Variants in AIMP1 observed in about 807,000 individuals in gnomAD.
The protein encoded by AIMP1 is aminoacyl tRNA synthase complex-interacting multifunctional protein 1.
In AIMP1, 24 loss-of-function variants were observed where a neutral mutation model predicts 33.1. That is an observed-to-expected ratio of 0.73 (90% CI 0.53 to 1.02). The LOEUF is 1.02. AIMP1 is among the 50% of genes least tolerant of loss of function. The pLI is 0.00. For synonymous variants in AIMP1, 120 were observed against 121.5 expected, an observed-to-expected ratio of 0.99 and a Z score of 0.08; for missense variants, 367 against 364.8, an observed-to-expected ratio of 1.01 and a Z score of -0.05.
rs1770367543 is a variant in AIMP1 at position 106,347,924 on chromosome 4, A to G, written c.*232A>G. On this transcript the variant is annotated 3_prime_UTR_variant, in exon 7 of 7. Transcript: ENST00000672341. The stretch of plus-strand genomic sequence containing the variant: ...GAGGAAGTTGCCTATGTTTTGTAAT[A>G]ATTTATTTTTTAGCAGGAATATTGA... The G allele has an allele frequency of 5.5e-6, 2 of 362,340 alleles. No individual in the cohort carries two copies. The highest frequency in any genetic ancestry group is 2.1e-5 in the African/African-American group (1 of 46,996). The allele number at this position is 362,340 out of a possible 1,614,324, so 22.4% of individuals were successfully genotyped here.
At chr4:106,327,376 C>A in intron 2 of AIMP1, 75 bp from the exon 3 acceptor site, 13 of 1,077,662 alleles carry the variant, frequency 1.2e-5, no homozygotes, top group Non-Finnish European at 1.1e-5. Context: ...GTTATACTGG[C>A]TGTCTTCTTT....
intron 5 of AIMP1, among the ~76,000 whole-genome samples, chr4:106,332,831 A>G (rs916393289): frequency 2.0e-4 from 30 of 151,914 alleles, no homozygotes; most frequent in African/African-American, 6.5e-4. Context: ...GGTGCTATGT[A>G]GTTTTTAGAG....
intron 1 of AIMP1, among the ~76,000 whole-genome samples, chr4:106,323,021 C>G (rs1408350816): frequency 6.7e-6 from 1 of 149,524 alleles, no homozygotes; most frequent in African/African-American, 2.5e-5. Context: ...TTCTTTTTAT[C>G]ACATTGTTTC....
intron 2 of AIMP1, 105 bp from the exon 3 acceptor site, chr4:106,327,346 C>T: frequency 1.3e-6 from 1 of 784,688 alleles, no homozygotes; most frequent in South Asian, 1.5e-5. Context: ...TACACTAGAG[C>T]TAGTATTATC....
In AIMP1 at chr4:106,324,996, G is replaced by A. The variant is rs546736092; in HGVS notation, c.-14G>A. The A allele has an allele frequency of 2.4e-5, 38 of 1,594,848 alleles. No individual in the cohort carries two copies. Among genetic ancestry groups the A allele is most frequent in the African/African-American group, 1.5e-4 (11 of 74,390 alleles). ...TATTTTTCCTATAGGATTTTCTGCC[G>A]TCTCTTGGCAAAAATGGCAAATAAT... On this transcript the variant is annotated 5_prime_UTR_variant, in exon 2 of 7. Coordinates refer to ENST00000672341, the MANE Select transcript of AIMP1 (RefSeq NM_001142416.2).
chr4:106,316,613 G>A lies in AIMP1; in HGVS notation c.-26+19G>A. The A allele has an allele frequency of 4.5e-6, 7 of 1,550,498 alleles. No individual in the cohort carries two copies. The highest frequency in any genetic ancestry group is 6.1e-6 in the Non-Finnish European group (7 of 1,146,406). On this transcript the variant is annotated intron_variant, in intron 1 of 6. Transcript: ENST00000672341. ...GCTTCATGTGAGTGACGTCGTGGCGGGTCACTCACTCGGGGATCGCCGATT... is the reference window on the plus strand; with the variant it reads ...GCTTCATGTGAGTGACGTCGTGGCGAGTCACTCACTCGGGGATCGCCGATT...
Position 106,316,670 on chromosome 4 carries a change from C to T in AIMP1, c.-26+76C>T, listed in dbSNP as rs1029453650. ...GTAGGGGTCTTCCTTCTCTAACTTG[C>T]CTCCAGGAGAGAGGACCTGGCCTGC... On this transcript the variant is annotated intron_variant, in intron 1 of 6. Transcript: ENST00000672341. 5 of 1,454,608 alleles carry T rather than the reference C, an allele frequency of 3.4e-6. No homozygotes were observed. In the African/African-American group the frequency reaches 7.0e-5, roughly 20 times the overall value. 90.1% of individuals were successfully genotyped at this position (1,454,608 alleles called of 1,614,324 possible).
chr4:106,336,683 T>C (rs1273106189), intron 5 of AIMP1, among the ~76,000 whole-genome samples, 186 bp from the exon 6 acceptor site: 3 of 151,700 alleles, frequency 2.0e-5, no homozygotes, highest in African/African-American at 7.3e-5. Flanking sequence ...TTTGGAGGAA[T>C]TTTTTTTTCA....
intron 5 of AIMP1, among the ~76,000 whole-genome samples, chr4:106,336,030 C>CTTTTT (rs34219049): frequency 5.1e-5 from 3 of 59,390 alleles, no homozygotes; most frequent in Non-Finnish European, 6.1e-5. Context: ...GTTAAATGAT[C>CTTTTT]TTTTTTTTTT....
At chr4:106,319,995 T>C (rs1769153592) in intron 1 of AIMP1, among the ~76,000 whole-genome samples, 1 of 152,242 alleles carries the variant, frequency 6.6e-6, no homozygotes, top group South Asian at 2.1e-4. Context: ...AGTTTTCTTC[T>C]CTGTATAATG....
Position 106,331,731 on chromosome 4 carries a change from G to T in AIMP1, c.451G>T (p.Asp151Tyr), listed in dbSNP as rs764679247. 1 of 1,614,074 alleles carries T rather than the reference G, an allele frequency of 6.2e-7. No homozygotes were observed. Among genetic ancestry groups the T allele is most frequent in the Non-Finnish European group, 8.5e-7 (1 of 1,179,988 alleles). ...IAGSADSKPI[D>Y]VSRLDLRIGC... ...TGGAAGTGCCGACTCTAAGCCAATA[G>T]ATGTTTCCCGTCTGGATCTTCGAAT... The change falls in exon 5 of 7, where the codon GAT becomes TAT. Residue 151 changes from aspartate (D) to tyrosine (Y), a missense_variant. Coordinates refer to ENST00000672341, the MANE Select transcript of AIMP1 (RefSeq NM_001142416.2).
rs573635480 is a variant in AIMP1 at position 106,333,472 on chromosome 4, A to G, written c.603+1589A>G. Among the ~76,000 whole-genome samples, 8 of 152,290 alleles carry G rather than the reference A, an allele frequency of 5.3e-5. No homozygotes were observed. In the South Asian group the frequency reaches 8.3e-4, roughly 16 times the overall value. Reference sequence around the variant, plus strand: ...AGTGATTTCTTCTACTTCCTACTTAACAAGCTCATTTCTTTTAGGTCTCCA... The same window carrying G: ...AGTGATTTCTTCTACTTCCTACTTAGCAAGCTCATTTCTTTTAGGTCTCCA... On this transcript the variant is annotated intron_variant, in intron 5 of 6. Transcript: ENST00000672341.
At chr4:106,322,206 G>A (rs945129430) in intron 1 of AIMP1, among the ~76,000 whole-genome samples, 1 of 151,986 alleles carries the variant, frequency 6.6e-6, no homozygotes, top group Non-Finnish European at 1.5e-5. Flanking sequence ...ATGTTTATCT[G>A]CTGACCTTCC....
At chr4:106,332,232 A>AT (rs932312194) in intron 5 of AIMP1, among the ~76,000 whole-genome samples, 1 of 152,118 alleles carries the variant, frequency 6.6e-6, no homozygotes, top group African/African-American at 2.4e-5. Context: ...AATACAAAAC[A>AT]TCCCATTTTT....
intron 2 of AIMP1, 99 bp from the exon 3 acceptor site, chr4:106,327,349 GTAT>G: frequency 3.6e-6 from 3 of 822,062 alleles, no homozygotes; most frequent in Admixed American, 4.0e-5. Context: ...ACTAGAGCTA[GTAT>G]TATCCTAGCT....
At chr4:106,341,654 A>G (rs573188083) in intron 6 of AIMP1, among the ~76,000 whole-genome samples, 85 of 151,958 alleles carry the variant, frequency 5.6e-4, no homozygotes, top group Admixed American at 7.9e-4. Flanking sequence ...CTGTGTGTCT[A>G]TTTTTGTACC....
chr4:106,347,617 C>T lies in AIMP1; in HGVS notation c.864C>T (p.Tyr288=). 1 of 1,613,302 alleles carries T rather than the reference C, an allele frequency of 6.2e-7. No homozygotes were observed. The highest frequency in any genetic ancestry group is 1.1e-5 in the South Asian group (1 of 91,070). Residue 288 remains tyrosine (Y), a synonymous_variant, in exon 7 of 7, where the codon TAC becomes TAT. Coordinates refer to ENST00000672341, the MANE Select transcript of AIMP1 (RefSeq NM_001142416.2). ...CTAATGATGAGTGTGTGGCTACATA[C>T]AAAGGAGTTCCCTTTGAGGTGAAAG... ...LHTNDECVAT[Y]KGVPFEVKGK...
intron 4 of AIMP1, among the ~76,000 whole-genome samples, chr4:106,331,455 T>C (rs1158752508): frequency 5.3e-5 from 8 of 152,206 alleles, no homozygotes; most frequent in African/African-American, 1.9e-4. Flanking sequence ...CACAATGTCT[T>C]CAAATAGAAA....
At chr4:106,343,842 A>G (rs1438561625) in intron 6 of AIMP1, among the ~76,000 whole-genome samples, 1 of 152,240 alleles carries the variant, frequency 6.6e-6, no homozygotes, top group Non-Finnish European at 1.5e-5. Flanking sequence ...TTCCAAGATC[A>G]TGCTTATTTC....
Sources: gnomAD v4.1 joint callset for allele counts (sites outside exome capture counted in the v4.1 genomes callset) on GRCh38, gnomAD v4.1.1 for gene constraint, MANE v1.5 for transcripts, NCBI Gene and HGNC (gene_info 2026-07-23, HGNC 2026-07-21) for gene names.